The following KAT6B variants were observed in gnomAD, a reference collection of about 807,000 sequenced individuals.
KAT6B encodes lysine acetyltransferase 6B.
A neutral mutation model predicts 187.5 loss-of-function variants in KAT6B; 10 were observed. That is an observed-to-expected ratio of 0.05 (90% CI 0.03 to 0.09). The LOEUF is 0.09. KAT6B is among the 10% of genes least tolerant of loss of function. The probability of loss-of-function intolerance (pLI) is 1.00; values close to 1 mark genes in which losing one functional copy is unlikely to be tolerated. For synonymous variants in KAT6B, 861 were observed against 926.8 expected, an observed-to-expected ratio of 0.93 and a Z score of 1.29; for missense variants, 1,952 against 2,558.9, an observed-to-expected ratio of 0.76 and a Z score of 5.12.
chr10:75,012,269 G>A (rs1486077496), intron 13 of KAT6B, among the ~76,000 whole-genome samples: 1 of 152,078 alleles, frequency 6.6e-6, no homozygotes, highest in Non-Finnish European at 1.5e-5. Flanking sequence ...GCAACATGGT[G>A]AAACCCCATC....
At chr10:74,916,042 A>T (rs915912812) in intron 3 of KAT6B, among the ~76,000 whole-genome samples, 40 of 152,330 alleles carry the variant, frequency 2.6e-4, no homozygotes, top group African/African-American at 9.4e-4. Context: ...GTGCACCTGC[A>T]ATCCCAGCTA....
chr10:75,027,573 A>C (rs185945353), intron 17 of KAT6B, among the ~76,000 whole-genome samples: 17 of 151,926 alleles, frequency 1.1e-4, no homozygotes, highest in African/African-American at 3.6e-4. Flanking sequence ...TGCTTCATGC[A>C]TATATTTATT....
At position 74,975,864 on chromosome 10, in the gene KAT6B, G is replaced by C; in HGVS notation, c.1527G>C (p.Lys509Asn). The C allele has an allele frequency of 6.2e-7, 1 of 1,614,062 alleles. No homozygotes were observed. The highest frequency in any genetic ancestry group is 8.5e-7 in the Non-Finnish European group (1 of 1,180,014). The change falls in exon 8 of 18, where the codon AAG becomes AAC. Residue 509 changes from lysine to asparagine, a missense_variant. Coordinates refer to ENST00000287239, the MANE Select transcript of KAT6B (RefSeq NM_012330.4). ...PISGQSPSSQ[K>N]SSTATSSPSP... is the part of the protein sequence containing the mutation. ...CCGGTCAGAGCCCCAGTTCACAAAA[G>C]TCCAGCACGGCCACTTCTTCTCCCT...
intron 3 of KAT6B, among the ~76,000 whole-genome samples, chr10:74,857,800 A>G (rs543082758): frequency 6.6e-6 from 1 of 152,318 alleles, no homozygotes; most frequent in African/African-American, 2.4e-5. Context: ...CAGGTGGATC[A>G]CTTGAGGCCA....
intron 3 of KAT6B, among the ~76,000 whole-genome samples, chr10:74,850,139 C>T (rs527763322): frequency 3.9e-4 from 60 of 152,106 alleles, no homozygotes; most frequent in Non-Finnish European, 6.2e-4. Flanking sequence ...GGGGTTTCAC[C>T]GTGTTAGCCA....
At chr10:74,887,155 G>A (rs992284539) in intron 3 of KAT6B, among the ~76,000 whole-genome samples, 2 of 152,178 alleles carry the variant, frequency 1.3e-5, no homozygotes, top group South Asian at 4.1e-4. Flanking sequence ...CAATGCCCTG[G>A]GGTTGGTTTC....
chr10:74,954,221 C>T (rs555860564), intron 3 of KAT6B, among the ~76,000 whole-genome samples: 2 of 152,304 alleles, frequency 1.3e-5, no homozygotes, highest in Admixed American at 1.3e-4. Context: ...AAGAATAATC[C>T]ATTCCACAAA....
chr10:74,831,565 C>T (rs943487697), intron 1 of KAT6B, among the ~76,000 whole-genome samples: 3 of 152,176 alleles, frequency 2.0e-5, no homozygotes, highest in African/African-American at 7.2e-5. Flanking sequence ...TTTTACTTCT[C>T]TGCAGCTATA....
intron 13 of KAT6B, among the ~76,000 whole-genome samples, chr10:75,007,997 T>C (rs1223287701): frequency 6.6e-6 from 1 of 152,240 alleles, no homozygotes; most frequent in Non-Finnish European, 1.5e-5. Flanking sequence ...TACTGAAATT[T>C]ACTTGAATCA....
intron 13 of KAT6B, among the ~76,000 whole-genome samples, chr10:75,001,452 G>A (rs1420917875): frequency 6.6e-6 from 1 of 151,558 alleles, no homozygotes; most frequent in Non-Finnish European, 1.5e-5. Context: ...ACCCAGGGGG[G>A]TATCATGTCA....
At chr10:75,021,319 A>C in intron 15 of KAT6B, 34 bp downstream of exon 15, 1 of 1,608,628 alleles carries the variant, frequency 6.2e-7, no homozygotes, top group Non-Finnish European at 8.5e-7. Flanking sequence ...AAGTTGTGTA[A>C]CTTCAATCTT....
At chr10:74,944,184 G>A (rs1247150149) in intron 3 of KAT6B, among the ~76,000 whole-genome samples, 2 of 152,184 alleles carry the variant, frequency 1.3e-5, no homozygotes, top group African/African-American at 2.4e-5. Flanking sequence ...CTGGACCTTC[G>A]GAATTTCCCT....
chr10:74,874,494 T>C (rs190992912), intron 3 of KAT6B, among the ~76,000 whole-genome samples: 1 of 152,200 alleles, frequency 6.6e-6, no homozygotes, highest in African/African-American at 2.4e-5. Flanking sequence ...TTCTCCTGCC[T>C]CAGTCTCCCG....
intron 3 of KAT6B, among the ~76,000 whole-genome samples, chr10:74,954,796 T>C (rs536444200): frequency 6.6e-6 from 1 of 152,366 alleles, no homozygotes; most frequent in East Asian, 1.9e-4. Context: ...ATCTATTTTT[T>C]GCTCGCCTAT....
chr10:74,945,725 C>T (rs1052426914), intron 3 of KAT6B, among the ~76,000 whole-genome samples: 3 of 152,176 alleles, frequency 2.0e-5, no homozygotes, highest in African/African-American at 4.8e-5. Flanking sequence ...GCTGGGATTA[C>T]AGGCATGAGC....
At chr10:74,833,346 T>C (rs1841025966) in intron 1 of KAT6B, among the ~76,000 whole-genome samples, 1 of 152,184 alleles carries the variant, frequency 6.6e-6, no homozygotes, top group Admixed American at 6.5e-5. Flanking sequence ...TACTAATCAG[T>C]GTACCCTGGC....
chr10:74,935,270 CAT>C (rs1849172325), intron 3 of KAT6B, among the ~76,000 whole-genome samples: 1 of 19,316 alleles, frequency 5.2e-5, no homozygotes, highest in African/African-American at 3.0e-4. Flanking sequence ...CATACATTTA[CAT>C]ACACACACAT....
intron 3 of KAT6B, among the ~76,000 whole-genome samples, chr10:74,920,279 T>C (rs1250792957): frequency 6.6e-6 from 1 of 152,220 alleles, no homozygotes; most frequent in Admixed American, 6.5e-5. Flanking sequence ...ACTTTCCCTC[T>C]TTGAAGCCCC....
upstream of KAT6B, among the ~76,000 whole-genome samples, chr10:74,826,139 G>A (rs1252790803): frequency 1.4e-5 from 2 of 146,842 alleles, no homozygotes; most frequent in Admixed American, 6.9e-5. Flanking sequence ...GGGGTTTGGG[G>A]TTGAGTGGGG....
Sources: gnomAD v4.1 joint callset for allele counts (sites outside exome capture counted in the v4.1 genomes callset) on GRCh38, gnomAD v4.1.1 for gene constraint, MANE v1.5 for transcripts, NCBI Gene and HGNC (gene_info 2026-07-23, HGNC 2026-07-21) for gene names.